The following RBP2 variants were observed in gnomAD, a reference collection of about 807,000 sequenced individuals.
The protein encoded by RBP2 is retinol binding protein 2, also known as retinol-binding protein 2.
Under a neutral mutation model 17.0 loss-of-function variants are expected in RBP2, and 17 were observed. That is an observed-to-expected ratio of 1.00 (90% CI 0.68 to 1.50). The LOEUF (loss-of-function observed/expected upper bound fraction) is 1.50, where lower values mean the gene tolerates loss of function less well. RBP2 is among the 40% of genes most tolerant of loss of function. The pLI, the probability that RBP2 is intolerant of heterozygous loss-of-function variation, is 0.00. For synonymous variants in RBP2, 48 were observed against 57.1 expected, an observed-to-expected ratio of 0.84 and a Z score of 0.72; for missense variants, 158 against 168.2, an observed-to-expected ratio of 0.94 and a Z score of 0.33.
chr3:139,472,959 G>A (rs1366605017), intron 1 of RBP2, among the ~76,000 whole-genome samples: 3 of 152,186 alleles, frequency 2.0e-5, no homozygotes, highest in Non-Finnish European at 4.4e-5. Context: ...CACCTGGGCA[G>A]AGTTAATGAA....
At chr3:139,475,808 T>C (rs1383271431) in intron 1 of RBP2, among the ~76,000 whole-genome samples, 2 of 152,178 alleles carry the variant, frequency 1.3e-5, no homozygotes, top group Non-Finnish European at 2.9e-5. Flanking sequence ...TGTGGTGAAC[T>C]CAGGACATGC....
At chr3:139,454,590 G>T (rs1413251431) in intron 3 of RBP2, 139 bp downstream of exon 3, 3 of 708,120 alleles carry the variant, frequency 4.2e-6, no homozygotes, top group Non-Finnish European at 7.5e-6. Flanking sequence ...ATGGCTTTCT[G>T]ACTATATGAC....
In RBP2 at chr3:139,454,765, GC is replaced by G. The variant is rs1943367116; in HGVS notation, c.317del (p.Gly106AlafsTer15). On this transcript the variant is annotated frameshift_variant, in exon 3 of 4. Coordinates refer to ENST00000232217, the MANE Select transcript of RBP2 (RefSeq NM_004164.3). LOFTEE classifies it high-confidence loss of function. Reference protein sequence around the residue: ...CVQKGEKENRGWKQWIEGDKL... With the variant: ...CVQKGEKENRXWKQWIEGDKL... ...TGTCCCCCTCAATCCACTGCTTCCAGCCGCGGTTCTCCTTCTCCCCCTTTTG... is the reference window on the plus strand; with the variant it reads ...TGTCCCCCTCAATCCACTGCTTCCAGCGCGGTTCTCCTTCTCCCCCTTTTG... 6.2e-7 allele frequency: 1 copy of G among 1,614,062 alleles called. No individual in the cohort carries two copies. The highest frequency in any genetic ancestry group is 8.5e-7 in the Non-Finnish European group (1 of 1,180,034).
rs1477770853 is a variant in RBP2 at position 139,462,181 on chromosome 3, A to G, written c.183T>C (p.Tyr61=). 1.9e-6 allele frequency: 3 copies of G among 1,614,004 alleles called. No individual in the cohort carries two copies. The highest frequency in any genetic ancestry group is 2.7e-5 in the African/African-American group (2 of 74,900). ...CTACTCCAACAGTGAAATCCACATCATAGTTGCGGAATGTGCTAGTGGTTT... is the reference window on the plus strand; with the variant it reads ...CTACTCCAACAGTGAAATCCACATCGTAGTTGCGGAATGTGCTAGTGGTTT... ...KTKTTSTFRN[Y]DVDFTVGVEF... is the part of the protein sequence containing the mutation. Residue 61 remains tyrosine, a synonymous_variant, in exon 2 of 4, where the codon TAT becomes TAC. Coordinates refer to ENST00000232217, the MANE Select transcript of RBP2 (RefSeq NM_004164.3).
chr3:139,470,308 A>G (rs1036614172), intron 1 of RBP2, among the ~76,000 whole-genome samples: 19 of 151,910 alleles, frequency 1.3e-4, no homozygotes, highest in Non-Finnish European at 5.9e-5. Flanking sequence ...CTCACTTCAT[A>G]TTCATCTGCA....
intron 1 of RBP2, among the ~76,000 whole-genome samples, chr3:139,469,732 T>TCTAC (rs1553722545): frequency 1.1e-4 from 16 of 150,278 alleles, no homozygotes; most frequent in Middle Eastern, 3.4e-3. Context: ...TATCTATCTA[T>TCTAC]CTACCTACTC....
chr3:139,471,544 A>G (rs1394600169), intron 1 of RBP2, among the ~76,000 whole-genome samples: 2 of 152,232 alleles, frequency 1.3e-5, no homozygotes, highest in Admixed American at 6.5e-5. Flanking sequence ...GATAATCCTC[A>G]CCTTCATTTG....
intron 1 of RBP2, among the ~76,000 whole-genome samples, chr3:139,469,719 A>G (rs1933492166): frequency 6.6e-6 from 1 of 151,550 alleles, no homozygotes; most frequent in Admixed American, 6.6e-5. Flanking sequence ...CTATCTATCT[A>G]TCTATCTATC....
intron 1 of RBP2, chr3:139,466,352 A>G (rs1342494179): frequency 6.6e-6 from 1 of 152,034 alleles, no homozygotes; most frequent in African/African-American, 2.4e-5. Flanking sequence ...TACCTATTTA[A>G]TTTTTCTCTC....
At chr3:139,468,653 C>A (rs1933443284) in intron 1 of RBP2, among the ~76,000 whole-genome samples, 1 of 150,956 alleles carries the variant, frequency 6.6e-6, no homozygotes. Context: ...GTAGAACACA[C>A]ACACAAACAC....
At chr3:139,474,206 A>G (rs1259076722) in intron 1 of RBP2, among the ~76,000 whole-genome samples, 1 of 152,208 alleles carries the variant, frequency 6.6e-6, no homozygotes, top group African/African-American at 2.4e-5. Flanking sequence ...TATCACATTC[A>G]CAACTTGTGA....
intron 1 of RBP2, among the ~76,000 whole-genome samples, chr3:139,470,856 G>C (rs1437508815): frequency 1.3e-5 from 2 of 151,948 alleles, no homozygotes; most frequent in Non-Finnish European, 1.5e-5. Flanking sequence ...CAAAGTGTTG[G>C]GATTACAGGT....
intron 1 of RBP2, among the ~76,000 whole-genome samples, chr3:139,475,798 T>G (rs754730588): frequency 1.3e-5 from 2 of 152,146 alleles, no homozygotes; most frequent in African/African-American, 4.8e-5. Context: ...GAACCCACTC[T>G]GTGGTGAACT....
At chr3:139,459,434 T>G (rs1355199187) in intron 2 of RBP2, among the ~76,000 whole-genome samples, 1 of 42,680 alleles carries the variant, frequency 2.3e-5, no homozygotes, top group Non-Finnish European at 5.0e-5. Context: ...GTGTGTGTAT[T>G]CATATTTACA....
chr3:139,466,081 T>A (rs79104327), intron 1 of RBP2, among the ~76,000 whole-genome samples: 255 of 152,286 alleles, frequency 1.7e-3, no homozygotes, highest in African/African-American at 6.0e-3. Context: ...CAAGTAAGTT[T>A]GGGAGATGAG....
chr3:139,474,152 A>T (rs1933652232), intron 1 of RBP2, among the ~76,000 whole-genome samples: 1 of 152,238 alleles, frequency 6.6e-6, no homozygotes, highest in African/African-American at 2.4e-5. Context: ...GCCAAGGAGC[A>T]TTAGGAAGTC....
At position 139,476,258 on chromosome 3, in the gene RBP2, T is replaced by G; in HGVS notation, c.73+129A>C. ...AGAATTCTTATGATCTGCCTAATAT[T>G]GCACAGCTGTACATGAGGCATGAGG... On this transcript the variant is annotated intron_variant, in intron 1 of 3. Transcript: ENST00000232217. 3 of 677,482 alleles carry G rather than the reference T, an allele frequency of 4.4e-6. No homozygotes were observed. In the South Asian group the frequency reaches 5.7e-5, roughly 13 times the overall value. 42.0% of individuals were successfully genotyped at this position (677,482 alleles called of 1,614,324 possible). A position where few individuals can be genotyped will look rare whatever the true frequency, so the allele number is the denominator to read the frequency against.
rs753473232 is a variant in RBP2, at chr3:139,453,114, C to T, written c.*2G>A. On this transcript the variant is annotated 3_prime_UTR_variant, in exon 4 of 4. Coordinates refer to ENST00000232217, the MANE Select transcript of RBP2 (RefSeq NM_004164.3). ...GTGCTTGGCAGGCCTCCCACGTCGC[C>T]ATCATTTCTTTTTGAACACTTGACG... 1 of 1,614,020 alleles carries T rather than the reference C, an allele frequency of 6.2e-7. No individual in the cohort carries two copies. Among genetic ancestry groups the T allele is most frequent in the Admixed American group, 1.7e-5 (1 of 59,994 alleles).
chr3:139,467,830 G>A (rs1933417518), intron 1 of RBP2, among the ~76,000 whole-genome samples: 2 of 152,258 alleles, frequency 1.3e-5, no homozygotes, highest in Non-Finnish European at 1.5e-5. Context: ...GGAGAAGTGG[G>A]AATGGTGGCT....
Sources: gnomAD v4.1 joint callset for allele counts (sites outside exome capture counted in the v4.1 genomes callset) on GRCh38, gnomAD v4.1.1 for gene constraint, MANE v1.5 for transcripts, NCBI Gene and HGNC (gene_info 2026-07-23, HGNC 2026-07-21) for gene names.